The following IL17RD variants were observed in gnomAD, a reference collection of about 807,000 sequenced individuals.
The protein encoded by IL17RD is interleukin-17 receptor D.
In IL17RD, 52 loss-of-function variants were observed where a neutral mutation model predicts 80.5. That is an observed-to-expected ratio of 0.65 (90% CI 0.52 to 0.81). The LOEUF is 0.81. Ranked by LOEUF, IL17RD falls within the 40% of genes least tolerant of loss-of-function variation. The pLI is 0.00. For missense variants in IL17RD, 1,024 were observed against 955.1 expected (o/e 1.07, Z -0.95); for synonymous variants, 416 against 391.8 (o/e 1.06, Z -0.73).
chr3:57,134,420 G>C, intron 1 of IL17RD: 1 of 740,706 alleles, frequency 1.4e-6, no homozygotes, highest in Non-Finnish European at 2.4e-6. Flanking sequence ...ACGTAACTTG[G>C]ATGAGGAGAA....
At position 57,098,047 on chromosome 3, in the gene IL17RD, A is replaced by T; in HGVS notation, c.1656T>A (p.Phe552Leu). 6.2e-7 allele frequency: 1 copy of T among 1,613,972 alleles called. No homozygotes were observed. The highest frequency in any genetic ancestry group is 8.5e-7 in the Non-Finnish European group (1 of 1,179,886). ...CGAACCAGTCGGGCTCCTCGTCAATAAACTGGTGCATGTTGCAAATGGCGA... is the reference window on the plus strand; with the variant it reads ...CGAACCAGTCGGGCTCCTCGTCAATTAACTGGTGCATGTTGCAAATGGCGA... Reference protein sequence around the residue: ...LYVAICNMHQFIDEEPDWFEK... With the variant: ...LYVAICNMHQLIDEEPDWFEK... The change falls in exon 12 of 13, where the codon TTT becomes TTA. Residue 552 changes from phenylalanine to leucine, a missense_variant. Physicochemically the swap from Phe to Leu is conservative, Grantham distance 22 (BLOSUM62 0). Transcript: ENST00000296318.
intron 7 of IL17RD, among the ~76,000 whole-genome samples, chr3:57,104,657 A>T (rs1167800176): frequency 2.6e-5 from 4 of 152,252 alleles, no homozygotes; most frequent in Non-Finnish European, 5.9e-5. Context: ...CTCAGCAGGA[A>T]TATTTGATTT....
Position 57,135,950 on chromosome 3 carries a change from T to C in IL17RD, c.127-15637A>G, listed in dbSNP as rs759265659. 2.0e-5 allele frequency among the ~76,000 whole-genome samples: 3 copies of C among 152,342 alleles called. No individual in the cohort carries two copies. The South Asian group carries it at 6.2e-4, about 32-fold the overall frequency. On this transcript the variant is annotated intron_variant, in intron 1 of 12. Coordinates refer to ENST00000296318, the MANE Select transcript of IL17RD (RefSeq NM_017563.5). ...TACGCTGGTAGGTTGCCTATTGATG[T>C]GGGTATCCTAAACGCTGTTCTGCAG...
Position 57,098,118 on chromosome 3 carries a change from T to G in IL17RD, c.1585A>C (p.Ser529Arg). ...TTGCTCCGGAAGTAGTTCCTTCTGC[T>G]GCCCTGTCGCGTGTGCTGCCCCGGC... ...QEPGQHTRQG[S>R]RRNYFRSKSG... The change falls in exon 12 of 13, where the codon AGC becomes CGC. Residue 529 changes from serine (S) to arginine (R), a missense_variant. By Grantham distance (110) the Ser-to-Arg change is moderately radical (BLOSUM62 -1). Coordinates refer to ENST00000296318, the MANE Select transcript of IL17RD (RefSeq NM_017563.5). 2.5e-6 allele frequency: 4 copies of G among 1,613,960 alleles called. No individual in the cohort carries two copies. Among genetic ancestry groups the G allele is most frequent in the Non-Finnish European group, 3.4e-6 (4 of 1,179,876 alleles).
At chr3:57,157,494 CCTCA>C (rs2060275994) in intron 1 of IL17RD, among the ~76,000 whole-genome samples, 1 of 152,216 alleles carries the variant, frequency 6.6e-6, no homozygotes, top group African/African-American at 2.4e-5. Context: ...TCTCCTGCCT[CCTCA>C]CTCCAAATAA....
At chr3:57,116,276 T>C (rs1423541221) in intron 2 of IL17RD, among the ~76,000 whole-genome samples, 1 of 125,388 alleles carries the variant, frequency 8.0e-6, no homozygotes, top group African/African-American at 3.2e-5. Context: ...TTTCTTTTTT[T>C]CTTTTCTTTT....
chr3:57,144,670 A>C (rs72875826), intron 1 of IL17RD, among the ~76,000 whole-genome samples: 8,878 of 152,216 alleles, frequency 0.058, 764 homozygotes, highest in African/African-American at 0.19. Flanking sequence ...ATCATCCCAG[A>C]GGACCTACTA....
chr3:57,165,901 A>G (rs972314704), upstream of IL17RD, among the ~76,000 whole-genome samples: 15 of 152,118 alleles, frequency 9.9e-5, no homozygotes, highest in Admixed American at 9.8e-4. Flanking sequence ...GGAAGCTAGA[A>G]TAAGTATCCT....
In IL17RD at chr3:57,154,274, A is replaced by G. The variant is rs540080717; in HGVS notation, c.126+10887T>C. On this transcript the variant is annotated intron_variant, in intron 1 of 12. Transcript: ENST00000296318. ...AAAAAAAAAAATTATATATATATAT[A>G]TATATATATACACACACACACACAC... 3.6e-5 allele frequency among the ~76,000 whole-genome samples: 5 copies of G among 139,374 alleles called. No homozygotes were observed. In the South Asian group the frequency reaches 7.3e-4, roughly 20 times the overall value. 91.4% of individuals were successfully genotyped at this position (139,374 alleles called of 152,430 possible).
intron 5 of IL17RD, among the ~76,000 whole-genome samples, chr3:57,108,057 C>A (rs1707003189): frequency 6.6e-6 from 1 of 151,844 alleles, no homozygotes; most frequent in Non-Finnish European, 1.5e-5. Context: ...ACTTTTTATT[C>A]CTTTTTTTTT....
At chr3:57,144,960 C>T (rs1707896922) in intron 1 of IL17RD, among the ~76,000 whole-genome samples, 1 of 152,192 alleles carries the variant, frequency 6.6e-6, no homozygotes, top group South Asian at 2.1e-4. Context: ...TTCCAGCTTT[C>T]CTGACAAGAA....
At chr3:57,100,156 T>C (rs532035039) in intron 11 of IL17RD, among the ~76,000 whole-genome samples, 1 of 152,292 alleles carries the variant, frequency 6.6e-6, no homozygotes, top group South Asian at 2.1e-4. Context: ...TAGAGCAAAC[T>C]TGGTTGCCCG....
Position 57,098,440 on chromosome 3 carries a change from A to G in IL17RD, c.1263T>C (p.Val421=). The stretch of plus-strand genomic sequence containing the variant: ...CAAAGTACTTCATACCTTTGGAACA[A>G]ACCACAATGATGAACTGGGACTCGT... ...KIHESQFIIV[V]CSKGMKYFVD... is the part of the protein sequence containing the mutation. Residue 421 remains valine (V), a synonymous_variant, in exon 12 of 13, where the codon GTT becomes GTC. Coordinates refer to ENST00000296318, the MANE Select transcript of IL17RD (RefSeq NM_017563.5). 1.2e-6 allele frequency: 2 copies of G among 1,613,926 alleles called. No homozygotes were observed. Among genetic ancestry groups the G allele is most frequent in the East Asian group, 4.5e-5 (2 of 44,874 alleles).
chr3:57,138,938 T>TCAA (rs1707779691), intron 1 of IL17RD, among the ~76,000 whole-genome samples: 1 of 59,192 alleles, frequency 1.7e-5, no homozygotes, highest in Non-Finnish European at 2.9e-5. Context: ...AAACTCCATC[T>TCAA]CAAAAAAAAA....
chr3:57,134,598 C>A, intron 1 of IL17RD: 2 of 1,059,530 alleles, frequency 1.9e-6, no homozygotes, highest in Non-Finnish European at 2.9e-6. Context: ...CAAGAAGCTG[C>A]AGGCTGACCA....
At position 57,090,378 on chromosome 3, in the gene IL17RD, C is replaced by CT. The variant is rs1706526656; in HGVS notation, c.*6014dup. On this transcript the variant is annotated 3_prime_UTR_variant, in exon 13 of 13. Transcript: ENST00000296318. ...TTTGCTGCTGTCTGGACTCACCATG[C>CT]TTTTTTCTTGAGAGAAACATACCAA... The CT allele has an allele frequency of 1.3e-5, 2 of 152,838 alleles. No homozygotes were observed. The highest frequency in any genetic ancestry group is 4.8e-5 in the African/African-American group (2 of 41,584). The allele number at this position is 152,838 out of a possible 1,614,324, so 9.5% of individuals were successfully genotyped here.
At chr3:57,102,428 A>G (rs1579260326) in intron 10 of IL17RD, 51 bp downstream of exon 10, 7 of 1,008,536 alleles carry the variant, frequency 6.9e-6, no homozygotes, top group Non-Finnish European at 8.5e-6. Flanking sequence ...TCTTGGCAGC[A>G]CCCCCTGGCC....
rs143301683 is a variant in IL17RD at position 57,103,862 on chromosome 3, G to A, written c.813+480C>T. 7.9e-5 allele frequency among the ~76,000 whole-genome samples: 12 copies of A among 151,488 alleles called. No individual in the cohort carries two copies. The East Asian group carries it at 1.7e-3, about 22-fold the overall frequency. On this transcript the variant is annotated intron_variant, in intron 8 of 12. Transcript: ENST00000296318. Reference sequence around the variant, plus strand: ...TGGGATTACAGGCGCCCACCACCACGCCCAGCTAATTTTTGTATTTTTAGA... The same window carrying A: ...TGGGATTACAGGCGCCCACCACCACACCCAGCTAATTTTTGTATTTTTAGA...
At position 57,105,959 on chromosome 3, in the gene IL17RD, C is replaced by A. The variant is rs751502996; in HGVS notation, c.645G>T (p.Gln215His). Residue 215 changes from glutamine to histidine, a missense_variant, in exon 7 of 13, where the codon CAG (glutamine) becomes CAT (histidine). Physicochemically the swap from Gln to His is conservative, Grantham distance 24 (BLOSUM62 0). Coordinates refer to ENST00000296318, the MANE Select transcript of IL17RD (RefSeq NM_017563.5). ...LNISQHGSDMQVSFDHAPHNF... is the reference protein window; with the variant it reads ...LNISQHGSDMHVSFDHAPHNF... ...TGTGCGGTGCATGGTCGAAGGACACCTGCATGTCCGAGCCATGCTGGCTGA... is the reference window on the plus strand; with the variant it reads ...TGTGCGGTGCATGGTCGAAGGACACATGCATGTCCGAGCCATGCTGGCTGA... 2 of 1,613,896 alleles carry A rather than the reference C, an allele frequency of 1.2e-6. No individual in the cohort carries two copies. The highest frequency in any genetic ancestry group is 2.2e-5 in the South Asian group (2 of 91,070).
Sources: allele counts gnomAD v4.1 joint callset (sites outside exome capture counted in the v4.1 genomes callset), GRCh38; gene constraint gnomAD v4.1.1; transcripts MANE v1.5; gene names NCBI Gene and HGNC (gene_info 2026-07-23, HGNC 2026-07-21).